RPN1: variants seen among roughly 807,000 people sequenced by gnomAD.
RPN1 encodes the protein ribophorin I, also known as dolichyl-diphosphooligosaccharide--protein glycosyltransferase subunit 1.
A neutral mutation model predicts 55.5 loss-of-function variants in RPN1; 12 were observed. The observed-to-expected ratio is 0.22, with a 90% confidence interval of 0.14 to 0.35. The LOEUF (loss-of-function observed/expected upper bound fraction) is 0.35, where lower values mean the gene tolerates loss of function less well. RPN1 is among the 10% of genes least tolerant of loss of function. RPN1 has a pLI of 1.00. For synonymous variants in RPN1, 317 were observed against 305.9 expected (o/e 1.04, Z -0.38); for missense variants, 679 against 761.3 (o/e 0.89, Z 1.27).
chr3:128,622,186 T>C lies in RPN1; in HGVS notation c.1619A>G (p.Glu540Gly). The part of the protein sequence containing the change: ...IALLQSRLKT[E>G]GSDLCDRVSE... ...TACTCTGTCGCACAGATCAGAGCCCTCTGTCTTCAGCCTGGACTGCAGCAG... is the reference window on the plus strand; with the variant it reads ...TACTCTGTCGCACAGATCAGAGCCCCCTGTCTTCAGCCTGGACTGCAGCAG... The change falls in exon 9 of 10, where the codon GAG (glutamate) becomes GGG (glycine). Residue 540 changes from glutamate to glycine, a missense_variant. This residue lies in a region of RPN1 where 306 missense variants were observed against 360.0 expected (regional missense o/e 0.85). Transcript: ENST00000296255. The C allele has an allele frequency of 6.2e-7, 1 of 1,614,208 alleles. No homozygotes were observed. The highest frequency in any genetic ancestry group is 1.1e-5 in the South Asian group (1 of 91,080).
At chr3:128,636,108 A>G (rs2069680206) in intron 3 of RPN1, among the ~76,000 whole-genome samples, 1 of 152,202 alleles carries the variant, frequency 6.6e-6, no homozygotes, top group African/African-American at 2.4e-5. Context: ...AAAAGTTCTT[A>G]AAAGTTTAAA....
intron 9 of RPN1, 52 bp downstream of exon 9, chr3:128,622,112 G>C: frequency 6.3e-7 from 1 of 1,591,318 alleles, no homozygotes; most frequent in South Asian, 1.1e-5. Context: ...AGACAAAGCA[G>C]TGAGGCATGG....
intron 3 of RPN1, among the ~76,000 whole-genome samples, chr3:128,633,812 G>A (rs2069658369): frequency 2.0e-5 from 3 of 151,784 alleles, no homozygotes; most frequent in Admixed American, 6.6e-5. Context: ...GTGAAACCCC[G>A]TCTCTACTAA....
chr3:128,648,479 G>A (rs2069786274), intron 1 of RPN1, among the ~76,000 whole-genome samples: 1 of 151,962 alleles, frequency 6.6e-6, no homozygotes, highest in African/African-American at 2.4e-5. Flanking sequence ...AGAATTGCTT[G>A]AACCCAGGAG....
chr3:128,620,729 CCAGGGCAG>C, intron 9 of RPN1, 136 bp from the exon 10 acceptor site: 1 of 923,712 alleles, frequency 1.1e-6, no homozygotes, highest in Non-Finnish European at 1.6e-6. Flanking sequence ...GCACAGTGTC[CCAGGGCAG>C]CAGGGCTGGC....
In RPN1 at chr3:128,620,376, G is replaced by A; in HGVS notation, c.*35C>T. The A allele has an allele frequency of 6.3e-7, 1 of 1,584,824 alleles. No homozygotes were observed. The highest frequency in any genetic ancestry group is 1.1e-5 in the South Asian group (1 of 87,774). On this transcript the variant is annotated 3_prime_UTR_variant, in exon 10 of 10. Coordinates refer to ENST00000296255, the MANE Select transcript of RPN1 (RefSeq NM_002950.4). ...AATCTGCCTGCCACAGCAAAGTGCA[G>A]GCACCCTGGGCCCCCTGGAGGATGC...
chr3:128,633,999 C>CAAACAA (rs1425681398), intron 3 of RPN1, among the ~76,000 whole-genome samples: 1 of 151,124 alleles, frequency 6.6e-6, no homozygotes, highest in Non-Finnish European at 1.5e-5. Context: ...AACAAATAAA[C>CAAACAA]AAACAAAAAC....
chr3:128,645,228 T>C lies in RPN1; in HGVS notation c.262-245A>G, dbSNP rs9834372. Among the ~76,000 whole-genome samples the C allele has an allele frequency of 0.077, 11,658 of 152,258 alleles. 522 individuals are homozygous for C. The highest frequency in any genetic ancestry group is 0.11 in the South Asian group (555 of 4,828). ...GGCTCACACCCGTAATCCCAGCACT[T>C]TGGGAGGCCAAAGTGGGCGGATCAC... On this transcript the variant is annotated intron_variant, in intron 1 of 9. Transcript: ENST00000296255.
At chr3:128,635,795 C>T (rs1440272895) in intron 3 of RPN1, among the ~76,000 whole-genome samples, 1 of 149,304 alleles carries the variant, frequency 6.7e-6, no homozygotes, top group Non-Finnish European at 1.5e-5. Context: ...TATAAGTGCA[C>T]TTATATATAT....
At chr3:128,623,381 A>G (rs1425275789) in intron 8 of RPN1, among the ~76,000 whole-genome samples, 3 of 152,086 alleles carry the variant, frequency 2.0e-5, no homozygotes, top group African/African-American at 7.2e-5. Flanking sequence ...TAATAAAAAT[A>G]CAGAAAATTA....
intron 3 of RPN1, among the ~76,000 whole-genome samples, chr3:128,634,553 C>A (rs2069663370): frequency 6.7e-6 from 1 of 149,498 alleles, no homozygotes; most frequent in Non-Finnish European, 1.5e-5. Flanking sequence ...GCCAAATGGT[C>A]TCCATAAACC....
intron 4 of RPN1, among the ~76,000 whole-genome samples, chr3:128,631,422 G>A (rs1202560401): frequency 7.3e-5 from 11 of 151,504 alleles, no homozygotes; most frequent in African/African-American, 2.2e-4. Flanking sequence ...AGGTTGTGGC[G>A]AGCCGAGATC....
At chr3:128,629,755 C>G (rs766123854) in intron 5 of RPN1, among the ~76,000 whole-genome samples, 196 bp downstream of exon 5, 1 of 152,054 alleles carries the variant, frequency 6.6e-6, no homozygotes, top group Non-Finnish European at 1.5e-5. Context: ...ACATACTGTT[C>G]GGATTGACTA....
At position 128,630,025 on chromosome 3, in the gene RPN1, G is replaced by A. The variant is rs779886802; in HGVS notation, c.962C>T (p.Pro321Leu). 3.7e-6 allele frequency: 6 copies of A among 1,613,678 alleles called. No individual in the cohort carries two copies. The highest frequency in any genetic ancestry group is 3.4e-6 in the Non-Finnish European group (4 of 1,179,598). ...ATGGGTCTTCCACCCGCCAAAGAGA[G>A]GGAAGCGAGGCCGGATTTCCATCTC... ...SVEMEIRPRF[P>L]LFGGWKTHYI... The change falls in exon 5 of 10, where the codon CCT becomes CTT. Residue 321 changes from proline (P) to leucine (L), a missense_variant. Coordinates refer to ENST00000296255, the MANE Select transcript of RPN1 (RefSeq NM_002950.4).
At chr3:128,636,108 A>T (rs2069680206) in intron 3 of RPN1, among the ~76,000 whole-genome samples, 1 of 152,202 alleles carries the variant, frequency 6.6e-6, no homozygotes, top group South Asian at 2.1e-4. Flanking sequence ...AAAAGTTCTT[A>T]AAAGTTTAAA....
intron 5 of RPN1, among the ~76,000 whole-genome samples, chr3:128,628,255 C>T (rs567046133): frequency 6.3e-5 from 9 of 141,794 alleles, no homozygotes; most frequent in South Asian, 2.3e-4. Context: ...GAACTGAGAT[C>T]GCTCCACTGC....
intron 3 of RPN1, 51 bp downstream of exon 3, chr3:128,637,748 A>C: frequency 6.4e-7 from 1 of 1,565,878 alleles, no homozygotes; most frequent in East Asian, 2.2e-5. Flanking sequence ...GTCACTCTGC[A>C]AGACATTCTC....
At chr3:128,635,623 A>C (rs1232365058) in intron 3 of RPN1, among the ~76,000 whole-genome samples, 5 of 28,132 alleles carry the variant, frequency 1.8e-4, no homozygotes, top group South Asian at 9.4e-4. Context: ...ATATATATAT[A>C]TATATATATA....
At chr3:128,638,143 G>A (rs565680870) in intron 2 of RPN1, 38 bp from the exon 3 acceptor site, 2 of 1,508,304 alleles carry the variant, frequency 1.3e-6, no homozygotes, top group South Asian at 1.2e-5. Context: ...AAGAGAGACT[G>A]AGGATACTGA....
Sources: allele counts gnomAD v4.1 joint callset (sites outside exome capture counted in the v4.1 genomes callset), GRCh38; gene constraint gnomAD v4.1.1; regional missense constraint gnomAD v4.1.1; transcripts MANE v1.5; gene names NCBI Gene and HGNC (gene_info 2026-07-23, HGNC 2026-07-21).